The following SPTAN1 variants were observed in gnomAD, a reference collection of about 807,000 sequenced individuals.
The protein encoded by SPTAN1 is spectrin alpha, non-erythrocytic 1.
A neutral mutation model predicts 331.3 loss-of-function variants in SPTAN1; 61 were observed. The observed-to-expected ratio is 0.18, with a 90% confidence interval of 0.15 to 0.23. SPTAN1 has a LOEUF of 0.23. SPTAN1 is among the 10% of genes least tolerant of loss of function. The probability of loss-of-function intolerance (pLI) is 1.00; values close to 1 mark genes in which losing one functional copy is unlikely to be tolerated. For synonymous variants in SPTAN1, 1,153 were observed against 1,173.9 expected (o/e 0.98, Z 0.36); for missense variants, 2,043 against 3,147.9 (o/e 0.65, Z 8.40).
chr9:128,581,871 T>C lies in SPTAN1; in HGVS notation c.1551T>C (p.Ser517=). Residue 517 remains serine, a synonymous_variant, in exon 12 of 57, where the codon AGT becomes AGC. Transcript: ENST00000372739. ...ACGAAGACTTTGAGAAATCCCTTAG[T>C]GCCCAGGAGGAAAAGATTACAGTAA... ...KKHEDFEKSL[S]AQEEKITALD... The C allele has an allele frequency of 6.2e-7, 1 of 1,613,522 alleles. No homozygotes were observed. Among genetic ancestry groups the C allele is most frequent in the Non-Finnish European group, 8.5e-7 (1 of 1,179,496 alleles).
chr9:128,609,058 C>G (rs1370903079), intron 35 of SPTAN1, 64 bp from the exon 36 acceptor site: 27 of 1,614,060 alleles, frequency 1.7e-5, no homozygotes, highest in Non-Finnish European at 2.3e-5. Flanking sequence ...CCTGTTCTGT[C>G]TCCCCACTTC....
At chr9:128,561,265 C>T (rs1015518644) in intron 1 of SPTAN1, among the ~76,000 whole-genome samples, 12 of 148,186 alleles carry the variant, frequency 8.1e-5, no homozygotes, top group Non-Finnish European at 1.5e-4. Context: ...CCCAGCTACT[C>T]GGGAGGCTGA....
chr9:128,584,092 C>T, intron 16 of SPTAN1, 123 bp downstream of exon 16: 5 of 1,451,418 alleles, frequency 3.4e-6, no homozygotes, highest in Admixed American at 1.9e-5. Context: ...TTTCTTAGAT[C>T]GCTCTGTGCT....
In SPTAN1 at chr9:128,605,457, G is replaced by A. The variant is rs192041016; in HGVS notation, c.4026G>A (p.Gln1342=). Residue 1342 remains glutamine (Q), a synonymous_variant, in exon 31 of 57, where the codon CAG becomes CAA. Coordinates refer to ENST00000372739, the MANE Select transcript of SPTAN1 (RefSeq NM_001130438.3). ...KAKLGDSHDL[Q]RFLSDFRDLM... is the part of the protein sequence containing the mutation. ...AGTTGGGTGACTCCCACGACCTGCA[G>A]CGCTTCCTTAGCGATTTCCGGTACG... The A allele has an allele frequency of 1.2e-6, 2 of 1,614,178 alleles. No homozygotes were observed. Among genetic ancestry groups the A allele is most frequent in the East Asian group, 4.5e-5 (2 of 44,882 alleles).
Position 128,609,663 on chromosome 9 carries a change from C to A in SPTAN1, c.4771C>A (p.Leu1591Met). 6.6e-7 allele frequency: 1 copy of A among 1,521,580 alleles called. No individual in the cohort carries two copies. Among genetic ancestry groups the A allele is most frequent in the Non-Finnish European group, 8.8e-7 (1 of 1,137,254 alleles). 94.3% of individuals were successfully genotyped at this position (1,521,580 alleles called of 1,614,324 possible). A position where few individuals can be genotyped will look rare whatever the true frequency, so the allele number is the denominator to read the frequency against. Residue 1591 changes from leucine (L) to methionine (M), a missense_variant and splice_region_variant, in exon 37 of 57, where the codon CTG becomes ATG. Transcript: ENST00000372739. ...DPTNIQLSKL[L>M]SKHQKHQAFE... ...TCTGTTTTTGTAGCTTTCCAAGCTG[C>A]TGGTAAGTTTTTAATTTTTTTAAGA...
intron 24 of SPTAN1, among the ~76,000 whole-genome samples, chr9:128,594,804 C>CTTTTTTTTTTTTTTT (rs10594067): frequency 1.1e-5 from 1 of 90,554 alleles, no homozygotes. Flanking sequence ...ATGTATGTAG[C>CTTTTTTTTTTTTTTT]TTTTTTTTTT....
rs75537926 is a variant in SPTAN1 at position 128,600,279 on chromosome 9, G to C, written c.3579+164G>C. ...GAATCTGTTAACTCTAAAATGTGAT[G>C]CTTAATATACAAAAGCAGAGTGTCT... On this transcript the variant is annotated intron_variant, in intron 27 of 56. Transcript: ENST00000372739. 6.1e-3 allele frequency among the ~76,000 whole-genome samples: 932 copies of C among 152,264 alleles called. 8 individuals carry two copies. Among genetic ancestry groups the C allele is most frequent in the African/African-American group, 0.021 (865 of 41,544 alleles).
Position 128,580,917 on chromosome 9 carries a change from C to G in SPTAN1, c.1324-5C>G, listed in dbSNP as rs777050169. ...CTCCCTGACCATGTCTCCTATGCCC[C>G]CAAGCTGACCGTCCTTTCCGAGGAG... On this transcript the variant is annotated splice_polypyrimidine_tract_variant and splice_region_variant and intron_variant, in intron 10 of 56. Transcript: ENST00000372739. 4 of 1,612,598 alleles carry G rather than the reference C, an allele frequency of 2.5e-6. No homozygotes were observed. The highest frequency in any genetic ancestry group is 3.4e-6 in the Non-Finnish European group (4 of 1,180,010).
At chr9:128,632,533 A>T (rs1488544414) in intron 54 of SPTAN1, 39 bp from the exon 55 acceptor site, 4 of 1,614,030 alleles carry the variant, frequency 2.5e-6, no homozygotes, top group Non-Finnish European at 3.4e-6. Flanking sequence ...GTTCGGCAGC[A>T]GGGCTGCCTG....
At chr9:128,606,624 C>G (rs970507436) in intron 31 of SPTAN1, among the ~76,000 whole-genome samples, 1 of 151,464 alleles carries the variant, frequency 6.6e-6, no homozygotes, top group African/African-American at 2.4e-5. Flanking sequence ...GCTGGGATCA[C>G]AGGCATGCAC....
rs1856621167 is a variant in SPTAN1, at chr9:128,611,972, CAGATGGGGAATGCT to C, written c.4905+130_4906-121del. The C allele has an allele frequency of 2.5e-6, 4 of 1,600,030 alleles. No individual in the cohort carries two copies. In the Admixed American group the frequency reaches 6.7e-5, roughly 27 times the overall value. ...TTATAGAAGACTTTAGGCTGAATTA[CAGATGGGGAATGCT>C]AGTGAGAATGGCTCCTATGAGTGTT... is the stretch of plus-strand genomic sequence containing the variant. On this transcript the variant is annotated intron_variant, in intron 38 of 56. Transcript: ENST00000372739.
chr9:128,582,916 A>C, intron 14 of SPTAN1, 67 bp downstream of exon 14: 1 of 1,605,244 alleles, frequency 6.2e-7, no homozygotes, highest in Non-Finnish European at 8.5e-7. Context: ...TCACAAATAA[A>C]TTGTAGCTAA....
intron 31 of SPTAN1, among the ~76,000 whole-genome samples, chr9:128,607,375 A>G (rs1159184026): frequency 6.6e-6 from 1 of 152,136 alleles, no homozygotes; most frequent in Non-Finnish European, 1.5e-5. Flanking sequence ...GGAGGGTGAA[A>G]AGATCTTAAT....
At position 128,627,099 on chromosome 9, in the gene SPTAN1, C is replaced by T. The variant is rs1165548898; in HGVS notation, c.6577-287C>T. ...AAGTGCTGGGATTACAGGTGTGAGC[C>T]ACTGTACCCAGCCAGAAGTTTCCAT... On this transcript the variant is annotated intron_variant, in intron 49 of 56. Coordinates refer to ENST00000372739, the MANE Select transcript of SPTAN1 (RefSeq NM_001130438.3). The surrounding 1 kb of genome is among the most constrained non-coding windows in gnomAD (Gnocchi z 4.9). The T allele has an allele frequency of 7.0e-6, 4 of 575,318 alleles. No individual in the cohort carries two copies. The highest frequency in any genetic ancestry group is 6.1e-5 in the South Asian group (4 of 65,516). The allele number at this position is 575,318 out of a possible 1,614,324, so 35.6% of individuals were successfully genotyped here. A position where few individuals can be genotyped will look rare whatever the true frequency, so the allele number is the denominator to read the frequency against.
chr9:128,621,099 G>T, intron 44 of SPTAN1, 59 bp from the exon 45 acceptor site: 2 of 1,496,870 alleles, frequency 1.3e-6, no homozygotes, highest in Non-Finnish European at 1.9e-6. Flanking sequence ...TGTCCCCGGG[G>T]CCTAGCCCAC....
chr9:128,610,659 C>T (rs1443452651), intron 37 of SPTAN1, among the ~76,000 whole-genome samples: 4 of 152,096 alleles, frequency 2.6e-5, no homozygotes, highest in African/African-American at 9.7e-5. Flanking sequence ...TATGTCCTTG[C>T]AATTGTCTCT....
intron 21 of SPTAN1, 133 bp from the exon 22 acceptor site, chr9:128,591,344 G>A: frequency 5.4e-6 from 6 of 1,109,386 alleles, no homozygotes; most frequent in Non-Finnish European, 8.1e-6. Context: ...GGGATTATAG[G>A]TGTGAGCCAC....
intron 28 of SPTAN1, 58 bp from the exon 29 acceptor site, chr9:128,604,268 G>T: frequency 1.3e-6 from 2 of 1,560,902 alleles, no homozygotes; most frequent in South Asian, 2.2e-5. Context: ...CCCAAAGTCT[G>T]ACTGGGGGCA....
intron 39 of SPTAN1, among the ~76,000 whole-genome samples, 183 bp downstream of exon 39, chr9:128,612,429 G>A (rs184307340): frequency 6.6e-6 from 1 of 152,288 alleles, no homozygotes; most frequent in East Asian, 1.9e-4. Flanking sequence ...TGAATGTTAA[G>A]AGAGCTGACT....
Sources: allele counts gnomAD v4.1 joint callset (sites outside exome capture counted in the v4.1 genomes callset), GRCh38; gene constraint gnomAD v4.1.1; non-coding constraint Gnocchi (gnomAD v3.1); transcripts MANE v1.5; gene names NCBI Gene and HGNC (gene_info 2026-07-23, HGNC 2026-07-21).